The following PHC2 variants were observed in gnomAD, a reference collection of about 807,000 sequenced individuals.
PHC2 encodes the protein polyhomeotic homolog 2, also known as polyhomeotic-like protein 2.
Under a neutral mutation model 87.4 loss-of-function variants are expected in PHC2, and 29 were observed. The ratio of observed to expected loss-of-function variants is 0.33; its 90% CI spans 0.25 to 0.45. The LOEUF (loss-of-function observed/expected upper bound fraction) is 0.45, where lower values mean the gene tolerates loss of function less well. Ranked by LOEUF, PHC2 falls within the 20% of genes least tolerant of loss-of-function variation. The pLI is 1.00. For missense variants in PHC2, 857 were observed against 1,136.7 expected, an observed-to-expected ratio of 0.75 and a Z score of 3.54; for synonymous variants, 438 against 461.7, an observed-to-expected ratio of 0.95 and a Z score of 0.66.
Position 33,368,965 on chromosome 1 carries a change from A to G in PHC2, c.577-343T>C, listed in dbSNP as rs894027226. 2.6e-5 allele frequency among the ~76,000 whole-genome samples: 4 copies of G among 152,108 alleles called. No individual in the cohort carries two copies. Among genetic ancestry groups the G allele is most frequent in the Admixed American group, 6.5e-5 (1 of 15,284 alleles). ...GAGGGGCTCATCCTAGAGGAGACCG[A>G]TATCCCCAGGATACGCTGAAGCCAC... On this transcript the variant is annotated intron_variant, in intron 5 of 14. Transcript: ENST00000683057. This position sits in a 1 kb window ranked among gnomAD's most constrained non-coding sequence, Gnocchi z 6.6.
chr1:33,424,457 C>G (rs1359011129), intron 1 of PHC2, among the ~76,000 whole-genome samples: 1 of 152,068 alleles, frequency 6.6e-6, no homozygotes, highest in African/African-American at 2.4e-5. Flanking sequence ...CCCTAGCAAC[C>G]ATATTTACAC....
At position 33,330,016 on chromosome 1, in the gene PHC2, A is replaced by G. The variant is rs1646456077; in HGVS notation, c.2148+55T>C. 30 of 1,595,472 alleles carry G rather than the reference A, an allele frequency of 1.9e-5. No individual in the cohort carries two copies. In the South Asian group the frequency reaches 3.4e-4, roughly 18 times the overall value. The stretch of plus-strand genomic sequence containing the variant: ...GGGACCGTGGTGTCGAGGGCCATGG[A>G]AGGGAAGCTGTGGGGACTGTGGGGA... On this transcript the variant is annotated intron_variant, in intron 13 of 14. Coordinates refer to ENST00000683057, the MANE Select transcript of PHC2 (RefSeq NM_001385109.1).
At chr1:33,416,261 T>C (rs1650197982) in intron 1 of PHC2, among the ~76,000 whole-genome samples, 1 of 151,766 alleles carries the variant, frequency 6.6e-6, no homozygotes, top group Non-Finnish European at 1.5e-5. Context: ...TACAGCAACA[T>C]AGATAAGAAT....
At position 33,349,544 on chromosome 1, in the gene PHC2, G is replaced by C. The variant is rs1646917786; in HGVS notation, c.1558+4857C>G. On this transcript the variant is annotated intron_variant, in intron 9 of 14. Coordinates refer to ENST00000683057, the MANE Select transcript of PHC2 (RefSeq NM_001385109.1). The surrounding 1 kb of genome is among the most constrained non-coding windows in gnomAD (Gnocchi z 4.2). ...GTGCCCGACTTCCAGTGCGGCGAGC[G>C]CGGCCCCCGGCCTCCCTACTGGCGA... 20 of 981,340 alleles carry C rather than the reference G, an allele frequency of 2.0e-5. No homozygotes were observed. The highest frequency in any genetic ancestry group is 5.2e-4 in the Middle Eastern group (1 of 1,932). 60.8% of individuals were successfully genotyped at this position (981,340 alleles called of 1,614,324 possible).
chr1:33,366,306 C>T (rs376757714), intron 7 of PHC2, among the ~76,000 whole-genome samples: 12 of 152,208 alleles, frequency 7.9e-5, no homozygotes, highest in Non-Finnish European at 1.5e-4. Flanking sequence ...GTCTTGTTAC[C>T]TAGATCGATA....
rs969520283 is a variant in PHC2, at chr1:33,324,832, C to T, written c.*33G>A. ...CTGGCTCTGCTCAGTCGGGAGGAGG[C>T]GCCCTGGGCCAGAATCCTGGCTGCC... is the stretch of plus-strand genomic sequence containing the variant. On this transcript the variant is annotated 3_prime_UTR_variant, in exon 15 of 15. Coordinates refer to ENST00000683057, the MANE Select transcript of PHC2 (RefSeq NM_001385109.1). 31 of 1,589,442 alleles carry T rather than the reference C, an allele frequency of 2.0e-5. No individual in the cohort carries two copies. Among genetic ancestry groups the T allele is most frequent in the Middle Eastern group, 1.8e-4 (1 of 5,438 alleles).
chr1:33,413,263 G>A (rs1212846407), intron 1 of PHC2, among the ~76,000 whole-genome samples: 5 of 152,150 alleles, frequency 3.3e-5, no homozygotes, highest in Non-Finnish European at 7.4e-5. Flanking sequence ...CACTGTGCCC[G>A]GCCTGGACTT....
At chr1:33,410,787 G>C (rs1649951696) in intron 1 of PHC2, among the ~76,000 whole-genome samples, 1 of 152,044 alleles carries the variant, frequency 6.6e-6, no homozygotes, top group Non-Finnish European at 1.5e-5. Flanking sequence ...TTTAAGCATT[G>C]ATTTTAAAAT....
chr1:33,346,809 T>G (rs1646852923), intron 9 of PHC2: 1 of 985,140 alleles, frequency 1.0e-6, no homozygotes, highest in Non-Finnish European at 1.2e-6. Context: ...GGCAGTGAGG[T>G]CATCCCCTTT....
Position 33,364,359 on chromosome 1 carries a change from GAC to G in PHC2, c.976+2755_976+2756del, listed in dbSNP as rs34902529. Among the ~76,000 whole-genome samples, 66,472 of 145,428 alleles carry G rather than the reference GAC, an allele frequency of 0.46. 15,289 individuals carry two copies. Among genetic ancestry groups the G allele is most frequent in the South Asian group, 0.55 (2,549 of 4,644 alleles). ...GCGCTCGCTTGCTTTCTCTCTCCCA[GAC>G]ACACACACACACACACACACACTTG... On this transcript the variant is annotated intron_variant, in intron 7 of 14. Coordinates refer to ENST00000683057, the MANE Select transcript of PHC2 (RefSeq NM_001385109.1). The surrounding 1 kb of genome is among the most constrained non-coding windows in gnomAD (Gnocchi z 4.1).
At chr1:33,405,726 A>T (rs2148384520) in intron 1 of PHC2, among the ~76,000 whole-genome samples, 2 of 152,310 alleles carry the variant, frequency 1.3e-5, no homozygotes, top group Middle Eastern at 6.8e-3. Flanking sequence ...TTTCATTATC[A>T]GTCAGGAATA....
In PHC2 at chr1:33,328,895, G is replaced by C. The variant is rs199526851; in HGVS notation, c.2400C>G (p.Val800=). Residue 800 remains valine (V), a synonymous_variant, in exon 14 of 15, where the codon GTC becomes GTG. Transcript: ENST00000683057. ...SEPTKWNVED[V]YEFIRSLPGC... ...CTGGCAGAGAGCGGATGAATTCGTA[G>C]ACGTCTTCTACATTCCACTTGGTGG... 337 of 1,610,016 alleles carry C rather than the reference G, an allele frequency of 2.1e-4. 2 individuals are homozygous for C. In the South Asian group the frequency reaches 3.6e-3, roughly 17 times the overall value.
intron 1 of PHC2, among the ~76,000 whole-genome samples, chr1:33,428,927 A>C (rs535079046): frequency 3.3e-5 from 5 of 152,196 alleles, no homozygotes; most frequent in Non-Finnish European, 7.3e-5. Flanking sequence ...CATGGTCTCA[A>C]TCCTGGACTA....
At chr1:33,389,770 T>A (rs914251523) in intron 1 of PHC2, among the ~76,000 whole-genome samples, 1 of 152,216 alleles carries the variant, frequency 6.6e-6, no homozygotes, top group African/African-American at 2.4e-5. Flanking sequence ...ATTTGGAATG[T>A]TCTATTCCAT....
At chr1:33,337,469 A>G (rs1385501863) in intron 9 of PHC2, among the ~76,000 whole-genome samples, 1 of 152,210 alleles carries the variant, frequency 6.6e-6, no homozygotes, top group Non-Finnish European at 1.5e-5. Context: ...ACACGGGCTT[A>G]GACCTGGCTT....
At chr1:33,406,500 C>T (rs1649768888) in intron 1 of PHC2, among the ~76,000 whole-genome samples, 1 of 152,174 alleles carries the variant, frequency 6.6e-6, no homozygotes. Flanking sequence ...TAAGTCCAGA[C>T]ACTGTTAAAT....
At chr1:33,362,317 G>A (rs1342064835) in intron 7 of PHC2, among the ~76,000 whole-genome samples, 1 of 152,188 alleles carries the variant, frequency 6.6e-6, no homozygotes, top group Admixed American at 6.5e-5. Flanking sequence ...CTGTGAGTCT[G>A]GGGTGCAGGA....
At position 33,331,365 on chromosome 1, in the gene PHC2, G is replaced by C; in HGVS notation, c.1989C>G (p.Ser663=). 1 of 1,605,716 alleles carries C rather than the reference G, an allele frequency of 6.2e-7. No homozygotes were observed. Among genetic ancestry groups the C allele is most frequent in the Middle Eastern group, 1.7e-4 (1 of 5,946 alleles). ...YKFKRSKRFC[S]MACAKRYNVG... ...CCACTCACCTCTTTGCACAAGCCAT[G>C]GAACAGAAGCGCTTGGAACGCTTGA... is the stretch of plus-strand genomic sequence containing the variant. Residue 663 remains serine (S), a synonymous_variant, in exon 12 of 15, where the codon TCC becomes TCG. Transcript: ENST00000683057. This position sits in a 1 kb window ranked among gnomAD's most constrained non-coding sequence, Gnocchi z 5.2.
intron 9 of PHC2, chr1:33,350,416 G>T (rs1456032964): frequency 1.3e-5 from 2 of 152,314 alleles, no homozygotes; most frequent in Non-Finnish European, 2.9e-5. Context: ...GGTTCAGGCG[G>T]CCCGCCGTGC....
Sources: gnomAD v4.1 joint callset for allele counts (sites outside exome capture counted in the v4.1 genomes callset) on GRCh38, gnomAD v4.1.1 for gene constraint, Gnocchi (gnomAD v3.1) non-coding constraint, MANE v1.5 for transcripts, NCBI Gene and HGNC (gene_info 2026-07-23, HGNC 2026-07-21) for gene names.